CA10: variants seen among roughly 807,000 people sequenced by gnomAD.
The protein encoded by CA10 is carbonic anhydrase-related protein 10.
CA10 carries 14 observed loss-of-function variants against 44.2 expected under a neutral mutation model. That is an observed-to-expected ratio of 0.32 (90% CI 0.21 to 0.50). CA10 has a LOEUF of 0.50. Among genes scored for constraint, CA10 ranks in the 20% least tolerant of loss-of-function variants. CA10 has a pLI of 0.99. For missense variants in CA10, 350 were observed against 409.7 expected (o/e 0.85, Z 1.26); for synonymous variants, 159 against 141.6 (o/e 1.12, Z -0.87).
At chr17:51,683,887 C>T (rs1228504233) in intron 4 of CA10, among the ~76,000 whole-genome samples, 1 of 152,188 alleles carries the variant, frequency 6.6e-6, no homozygotes, top group African/African-American at 2.4e-5. Context: ...CTAGATCACT[C>T]TCTAGTGACT....
At chr17:51,679,353 G>A (rs1373767581) in intron 4 of CA10, among the ~76,000 whole-genome samples, 7 of 150,918 alleles carry the variant, frequency 4.6e-5, no homozygotes, top group Non-Finnish European at 5.9e-5. Flanking sequence ...TCCGCCTCCC[G>A]GGTTCACACC....
chr17:51,771,863 T>A (rs549151562), intron 3 of CA10, among the ~76,000 whole-genome samples: 2 of 152,288 alleles, frequency 1.3e-5, no homozygotes, highest in South Asian at 2.1e-4. Context: ...ACAGAGAGTG[T>A]TCACACACTC....
At chr17:51,747,532 T>C in intron 4 of CA10, 101 bp downstream of exon 4, 1 of 954,020 alleles carries the variant, frequency 1.0e-6, no homozygotes. Flanking sequence ...TTTCATAGAT[T>C]AGAGCGAATC....
chr17:51,880,200 A>G (rs980984900), intron 3 of CA10, among the ~76,000 whole-genome samples: 1 of 152,074 alleles, frequency 6.6e-6, no homozygotes, highest in African/African-American at 2.4e-5. Context: ...TCTTCCCCAT[A>G]GTTCCCTCCT....
At chr17:52,043,372 T>C (rs980462633) in intron 2 of CA10, among the ~76,000 whole-genome samples, 2 of 152,092 alleles carry the variant, frequency 1.3e-5, no homozygotes, top group Non-Finnish European at 2.9e-5. Context: ...TTTTTGCATA[T>C]TTTGTTGCTA....
intron 3 of CA10, among the ~76,000 whole-genome samples, chr17:51,845,540 C>G (rs1978455048): frequency 6.6e-6 from 1 of 152,240 alleles, no homozygotes; most frequent in African/African-American, 2.4e-5. Context: ...TTTTAAACCA[C>G]TGAGCATTGA....
intron 3 of CA10, among the ~76,000 whole-genome samples, chr17:51,834,601 C>T (rs1440878930): frequency 1.3e-5 from 2 of 152,206 alleles, no homozygotes; most frequent in Non-Finnish European, 2.9e-5. Flanking sequence ...GATCATGTAG[C>T]ACATGATCTC....
In CA10 at chr17:51,858,085, G is replaced by A. The variant is rs572511979; in HGVS notation, c.279+72905C>T. 1.5e-4 allele frequency among the ~76,000 whole-genome samples: 23 copies of A among 152,174 alleles called. No individual in the cohort carries two copies. The South Asian group carries it at 4.8e-3, about 32-fold the overall frequency. ...ATTATGTAAATTGAGAAACGGAAAG[G>A]AGAGAAATGACTCATTATATATCTC... On this transcript the variant is annotated intron_variant, in intron 3 of 8. Coordinates refer to ENST00000451037, the MANE Select transcript of CA10 (RefSeq NM_020178.5).
intron 2 of CA10, among the ~76,000 whole-genome samples, chr17:52,056,772 T>C (rs2319643): frequency 0.34 from 52,265 of 151,748 alleles, 11,104 homozygotes; most frequent in Non-Finnish European, 0.48. Context: ...GAGCACTACT[T>C]ACCCTTACAA....
At chr17:51,709,039 C>T (rs1915849440) in intron 4 of CA10, among the ~76,000 whole-genome samples, 1 of 152,210 alleles carries the variant, frequency 6.6e-6, no homozygotes, top group South Asian at 2.1e-4. Context: ...ATAAACTCTC[C>T]TTCATATATA....
chr17:52,046,494 T>C (rs1419707737), intron 2 of CA10, among the ~76,000 whole-genome samples: 1 of 151,796 alleles, frequency 6.6e-6, no homozygotes, highest in East Asian at 1.9e-4. Flanking sequence ...TCCTTGAAAA[T>C]ACTTTCTACC....
intron 3 of CA10, among the ~76,000 whole-genome samples, chr17:51,806,351 T>C (rs1907136228): frequency 1.3e-5 from 2 of 152,220 alleles, no homozygotes; most frequent in African/African-American, 4.8e-5. Context: ...TCAGTGTTCC[T>C]ACTTTTGCTT....
chr17:51,667,067 G>A (rs1177960260), intron 4 of CA10, among the ~76,000 whole-genome samples: 3 of 152,230 alleles, frequency 2.0e-5, no homozygotes, highest in South Asian at 4.1e-4. Flanking sequence ...TCCAGGGATA[G>A]TCATATTGAT....
chr17:51,668,557 A>T (rs1233549322), intron 4 of CA10, among the ~76,000 whole-genome samples: 2 of 152,180 alleles, frequency 1.3e-5, no homozygotes, highest in Non-Finnish European at 2.9e-5. Flanking sequence ...CGATCTGTAG[A>T]CTTGGTCAAG....
At chr17:51,632,698 A>G (rs1314224945) in intron 8 of CA10, among the ~76,000 whole-genome samples, 1 of 152,200 alleles carries the variant, frequency 6.6e-6, no homozygotes, top group Non-Finnish European at 1.5e-5. Context: ...CTAGGCCCAG[A>G]ACTTGGGTGT....
At chr17:51,667,653 C>A (rs1447985252) in intron 4 of CA10, among the ~76,000 whole-genome samples, 1 of 151,790 alleles carries the variant, frequency 6.6e-6, no homozygotes, top group Non-Finnish European at 1.5e-5. Flanking sequence ...GTGCAGGATG[C>A]AGCTGATTCT....
At chr17:51,921,789 C>T (rs1465556781) in intron 3 of CA10, among the ~76,000 whole-genome samples, 2 of 152,162 alleles carry the variant, frequency 1.3e-5, no homozygotes, top group East Asian at 3.9e-4. Flanking sequence ...TGTACTTTTT[C>T]ACATGTAGTG....
In CA10 at chr17:52,018,505, A is replaced by T. The variant is rs73989022; in HGVS notation, c.136+53814T>A. On this transcript the variant is annotated intron_variant, in intron 2 of 8. Transcript: ENST00000451037. Reference sequence around the variant, plus strand: ...CTGCTCTGCTGTGTTTCAGACTTGCATGGGGCTTGTTACTCCTCTCTTTTG... The same window carrying T: ...CTGCTCTGCTGTGTTTCAGACTTGCTTGGGGCTTGTTACTCCTCTCTTTTG... Among the ~76,000 whole-genome samples, 290 of 152,226 alleles carry T rather than the reference A, an allele frequency of 1.9e-3. 2 individuals carry two copies. Among genetic ancestry groups the T allele is most frequent in the African/African-American group, 6.7e-3 (277 of 41,574 alleles).
intron 3 of CA10, among the ~76,000 whole-genome samples, chr17:51,829,249 AG>A (rs1246092174): frequency 6.6e-6 from 1 of 152,238 alleles, no homozygotes; most frequent in African/African-American, 2.4e-5. Context: ...GAATCCTCTA[AG>A]CAGCCCATTG....
Sources: gnomAD v4.1 joint callset for allele counts (sites outside exome capture counted in the v4.1 genomes callset) on GRCh38, gnomAD v4.1.1 for gene constraint, MANE v1.5 for transcripts, NCBI Gene and HGNC (gene_info 2026-07-23, HGNC 2026-07-21) for gene names.